Variants in MARCHF8 observed in about 807,000 individuals in gnomAD.
The protein encoded by MARCHF8 is membrane associated ring-CH-type finger 8, also known as E3 ubiquitin-protein ligase MARCHF8.
In MARCHF8, 40 loss-of-function variants were observed where a neutral mutation model predicts 51.6. That is an observed-to-expected ratio of 0.77 (90% confidence interval 0.60 to 1.01). MARCHF8 has a LOEUF of 1.01. Among genes scored for constraint, MARCHF8 ranks in the 50% least tolerant of loss-of-function variants. The pLI, the probability that MARCHF8 is intolerant of heterozygous loss-of-function variation, is 0.00. For missense variants in MARCHF8, 685 were observed against 708.6 expected, an observed-to-expected ratio of 0.97 and a Z score of 0.38; for synonymous variants, 263 against 280.3, an observed-to-expected ratio of 0.94 and a Z score of 0.62.
At chr10:45,521,415 T>G (rs1170139769) in intron 2 of MARCHF8, among the ~76,000 whole-genome samples, 1 of 152,226 alleles carries the variant, frequency 6.6e-6, no homozygotes, top group Non-Finnish European at 1.5e-5. Context: ...GTAGGGGCCT[T>G]TCCTTCTTCA....
intron 1 of MARCHF8, among the ~76,000 whole-genome samples, chr10:45,541,754 G>A (rs753252974): frequency 6.6e-6 from 1 of 152,206 alleles, no homozygotes. Flanking sequence ...AGGATGGGAA[G>A]AGGGAACGTT....
At chr10:45,510,363 G>C (rs1381933452) in intron 2 of MARCHF8, among the ~76,000 whole-genome samples, 1 of 152,124 alleles carries the variant, frequency 6.6e-6, no homozygotes, top group African/African-American at 2.4e-5. Flanking sequence ...GGAAAATTAT[G>C]ACATAATCTA....
intron 3 of MARCHF8, among the ~76,000 whole-genome samples, chr10:45,477,347 C>T (rs1473238676): frequency 3.3e-5 from 5 of 152,142 alleles, no homozygotes; most frequent in African/African-American, 1.2e-4. Context: ...GGGAATCCTA[C>T]ACATGGAAGC....
chr10:45,580,105 T>C (rs370352304), intron 1 of MARCHF8, among the ~76,000 whole-genome samples: 1 of 150,508 alleles, frequency 6.6e-6, no homozygotes, highest in East Asian at 2.0e-4. Context: ...ATGCTGAAGA[T>C]ATTCATCAAA....
Position 45,461,319 on chromosome 10 carries a change from T to G in MARCHF8, c.1181A>C (p.Gln394Pro), listed in dbSNP as rs768642179. 6 of 1,608,148 alleles carry G rather than the reference T, an allele frequency of 3.7e-6. No homozygotes were observed. The highest frequency in any genetic ancestry group is 5.1e-6 in the Non-Finnish European group (6 of 1,177,680). ...CGTGTCGGAGCTCTTGATCCACTGC[T>G]GCAGGCAGGCCTGGTGCACGAAGTG... ...SLHFVHQACL[Q>P]QWIKSSDTRC... The change falls in exon 6 of 8, where the codon CAG becomes CCG. Residue 394 changes from glutamine (Q) to proline (P), a missense_variant. Transcript: ENST00000453424.
intron 2 of MARCHF8, among the ~76,000 whole-genome samples, chr10:45,531,397 C>A (rs1335099182): frequency 1.3e-5 from 2 of 151,792 alleles, no homozygotes; most frequent in Non-Finnish European, 2.9e-5. Flanking sequence ...GGAAATACAC[C>A]AGAAATGGTA....
At position 45,497,497 on chromosome 10, in the gene MARCHF8, A is replaced by C. The variant is rs73285400; in HGVS notation, c.103-8080T>G. On this transcript the variant is annotated intron_variant, in intron 2 of 7. Transcript: ENST00000453424. ...GAATATACATTCTTCTCAAGTGCAC[A>C]ACAACAGACTATAGAGTAGTCCACA... 2.0e-3 allele frequency among the ~76,000 whole-genome samples: 306 copies of C among 151,196 alleles called. 1 individual carries two copies. Among genetic ancestry groups the C allele is most frequent in the African/African-American group, 6.8e-3 (283 of 41,536 alleles).
Position 45,463,898 on chromosome 10 carries a change from A to G in MARCHF8, c.341T>C (p.Leu114Pro). The G allele has an allele frequency of 3.9e-6, 6 of 1,536,702 alleles. No homozygotes were observed. Among genetic ancestry groups the G allele is most frequent in the Non-Finnish European group, 5.2e-6 (6 of 1,146,928 alleles). ...GTCCTTACAGATAACTGTCACAGTG[A>G]GCCCTTGTGTCAGAGAACTCTGGCA... ...PHCQSSLTQGLTVTVICKDTL... is the reference protein window; with the variant it reads ...PHCQSSLTQGPTVTVICKDTL... Residue 114 changes from leucine (L) to proline (P), a missense_variant, in exon 5 of 8, where the codon CTC becomes CCC. Transcript: ENST00000453424.
intron 2 of MARCHF8, among the ~76,000 whole-genome samples, chr10:45,530,204 CACTT>C (rs1357751494): frequency 6.6e-6 from 1 of 152,124 alleles, no homozygotes; most frequent in Non-Finnish European, 1.5e-5. Flanking sequence ...CACATATTCT[CACTT>C]ACAGGTGGGA....
chr10:45,562,913 G>T (rs976677430), intron 1 of MARCHF8, among the ~76,000 whole-genome samples: 1 of 151,904 alleles, frequency 6.6e-6, no homozygotes, highest in African/African-American at 2.4e-5. Flanking sequence ...TGAATAGTAC[G>T]GGTTTCCACT....
intron 3 of MARCHF8, among the ~76,000 whole-genome samples, chr10:45,465,956 C>T (rs1392263952): frequency 1.3e-5 from 2 of 152,206 alleles, no homozygotes; most frequent in Non-Finnish European, 2.9e-5. Context: ...TGTCAATATT[C>T]TTCCTGAAAC....
intron 1 of MARCHF8, among the ~76,000 whole-genome samples, chr10:45,556,459 CTA>C (rs528926161): frequency 2.0e-4 from 31 of 152,312 alleles, no homozygotes; most frequent in African/African-American, 6.3e-4. Context: ...ACAAAAGACG[CTA>C]TGAGTGGATG....
chr10:45,515,306 T>C (rs1004637402), intron 2 of MARCHF8, among the ~76,000 whole-genome samples: 8 of 152,332 alleles, frequency 5.3e-5, no homozygotes, highest in African/African-American at 1.9e-4. Context: ...CTGTTTCCCA[T>C]AGCCGTCCTT....
At chr10:45,503,027 G>T (rs954818529) in intron 2 of MARCHF8, among the ~76,000 whole-genome samples, 3 of 152,180 alleles carry the variant, frequency 2.0e-5, no homozygotes, top group Non-Finnish European at 4.4e-5. Context: ...AGTGAAAGTT[G>T]TGATATATTT....
chr10:45,528,033 T>C (rs2043820406), intron 2 of MARCHF8, among the ~76,000 whole-genome samples: 1 of 152,146 alleles, frequency 6.6e-6, no homozygotes, highest in African/African-American at 2.4e-5. Context: ...GAAAAAGCAT[T>C]TGATAAAATT....
At chr10:45,538,590 C>A (rs2044007179), upstream of MARCHF8, among the ~76,000 whole-genome samples, 1 of 152,140 alleles carries the variant, frequency 6.6e-6, no homozygotes, top group African/African-American at 2.4e-5. Context: ...TGTAGAGACA[C>A]ACATAGGCTC....
chr10:45,494,073 T>C lies in MARCHF8; in HGVS notation c.103-4656A>G, dbSNP rs184718577. ...CAATCAGGAAACACAATGGTACAGA[T>C]TGGGAAAGACTGAGTCTGAGGGTGT... On this transcript the variant is annotated intron_variant, in intron 2 of 7. Coordinates refer to ENST00000453424, the MANE Select transcript of MARCHF8 (RefSeq NM_001282866.2). 1.5e-3 allele frequency among the ~76,000 whole-genome samples: 230 copies of C among 152,300 alleles called. 1 individual carries two copies. The highest frequency in any genetic ancestry group is 5.2e-3 in the African/African-American group (215 of 41,558).
chr10:45,503,303 T>A (rs34640551), intron 2 of MARCHF8, among the ~76,000 whole-genome samples: 2,067 of 152,112 alleles, frequency 0.014, 23 homozygotes, highest in Middle Eastern at 0.017. Context: ...TTCAGGAGGC[T>A]GAGGCGGGCA....
chr10:45,564,223 C>T (rs1398808880), intron 1 of MARCHF8, among the ~76,000 whole-genome samples: 1 of 152,146 alleles, frequency 6.6e-6, no homozygotes, highest in Non-Finnish European at 1.5e-5. Flanking sequence ...CTGCAGTGAG[C>T]AGATTGTGCC....
Sources: allele counts gnomAD v4.1 joint callset (sites outside exome capture counted in the v4.1 genomes callset), GRCh38; gene constraint gnomAD v4.1.1; transcripts MANE v1.5; gene names NCBI Gene and HGNC (gene_info 2026-07-23, HGNC 2026-07-21).